Variants in CPE observed in about 807,000 individuals in gnomAD.
CPE encodes carbocypeptidase E.
Under a neutral mutation model 53.5 loss-of-function variants are expected in CPE, and 17 were observed. That is an observed-to-expected ratio of 0.32 (90% confidence interval 0.22 to 0.48). CPE has a LOEUF of 0.48. Ranked by LOEUF, CPE falls within the 20% of genes least tolerant of loss-of-function variation. The pLI is 0.99. For synonymous variants in CPE, 226 were observed against 228.8 expected (o/e 0.99, Z 0.11); for missense variants, 524 against 614.7 (o/e 0.85, Z 1.56).
chr4:165,409,427 C>T (rs1314996068), intron 1 of CPE, among the ~76,000 whole-genome samples: 2 of 152,184 alleles, frequency 1.3e-5, no homozygotes, highest in Non-Finnish European at 2.9e-5. Context: ...TGGTCTCGAA[C>T]TCCTGGCCTC....
intron 1 of CPE, among the ~76,000 whole-genome samples, chr4:165,410,982 C>G (rs925817437): frequency 6.6e-6 from 1 of 152,000 alleles, no homozygotes. Context: ...GTAGATAAAT[C>G]GAAGACCAGA....
chr4:165,464,681 CT>C, intron 2 of CPE, 95 bp downstream of exon 2: 1 of 1,107,752 alleles, frequency 9.0e-7, no homozygotes, highest in Non-Finnish European at 1.3e-6. Flanking sequence ...TCGCACAAAG[CT>C]TACAGATGGT....
chr4:165,428,650 CA>C (rs113521364), intron 1 of CPE, among the ~76,000 whole-genome samples: 44,829 of 151,930 alleles, frequency 0.3, 6,683 homozygotes, highest in Middle Eastern at 0.39. Flanking sequence ...AAGGAGTTGT[CA>C]GGGCTGCTGT....
Position 165,379,767 on chromosome 4 carries a change from TC to T in CPE, c.307+243del, listed in dbSNP as rs1331959250. ...CCATCCCCCCAGCACCAATCCCATCTCCCCAGACCTTAGGCCACCCTCTAGT... is the reference window on the plus strand; with the variant it reads ...CCATCCCCCCAGCACCAATCCCATCTCCCAGACCTTAGGCCACCCTCTAGT... On this transcript the variant is annotated intron_variant, in intron 1 of 8. Coordinates refer to ENST00000402744, the MANE Select transcript of CPE (RefSeq NM_001873.4). This position sits in a 1 kb window ranked among gnomAD's most constrained non-coding sequence, Gnocchi z 6.0. Among the ~76,000 whole-genome samples the T allele has an allele frequency of 2.0e-5, 3 of 152,094 alleles. No homozygotes were observed. Among genetic ancestry groups the T allele is most frequent in the African/African-American group, 7.2e-5 (3 of 41,422 alleles).
At chr4:165,426,769 C>T (rs1560878553) in intron 1 of CPE, among the ~76,000 whole-genome samples, 1 of 152,218 alleles carries the variant, frequency 6.6e-6, no homozygotes, top group African/African-American at 2.4e-5. Flanking sequence ...CACCAATACA[C>T]TACAATGTAG....
Position 165,488,659 on chromosome 4 carries a change from T to TA in CPE, c.1113+1088dup, listed in dbSNP as rs376584710. Among the ~76,000 whole-genome samples the TA allele has an allele frequency of 5.8e-3, 883 of 152,296 alleles. 8 individuals are homozygous for TA. The highest frequency in any genetic ancestry group is 0.02 in the African/African-American group (840 of 41,562). ...ACCAATCTGTTAAACTAATTTGACA[T>TA]AAAAAAGCTGTTAAATAAACATTTA... On this transcript the variant is annotated intron_variant, in intron 6 of 8. Coordinates refer to ENST00000402744, the MANE Select transcript of CPE (RefSeq NM_001873.4).
chr4:165,422,732 CT>C (rs2126674496), intron 1 of CPE, among the ~76,000 whole-genome samples: 1 of 152,218 alleles, frequency 6.6e-6, no homozygotes, highest in Non-Finnish European at 1.5e-5. Flanking sequence ...AATCCCAACA[CT>C]TTGGGAGGCC....
intron 1 of CPE, among the ~76,000 whole-genome samples, chr4:165,403,914 G>A (rs57198322): frequency 0.028 from 4,292 of 152,194 alleles, 209 homozygotes; most frequent in African/African-American, 0.096. Flanking sequence ...AGATGATCTT[G>A]GCTGAAGGCA....
At chr4:165,449,375 C>G in intron 1 of CPE, among the ~76,000 whole-genome samples, 1 of 152,166 alleles carries the variant, frequency 6.6e-6, no homozygotes. Flanking sequence ...AATTTGCTTT[C>G]TTGAATCCCG....
chr4:165,431,910 T>TA (rs1560880310), intron 1 of CPE, among the ~76,000 whole-genome samples: 1 of 151,786 alleles, frequency 6.6e-6, no homozygotes, highest in East Asian at 1.9e-4. Context: ...AGAACATAGG[T>TA]AACAAGACAA....
chr4:165,390,498 A>G (rs1730663783), intron 1 of CPE, among the ~76,000 whole-genome samples: 1 of 152,182 alleles, frequency 6.6e-6, no homozygotes, highest in Non-Finnish European at 1.5e-5. Context: ...TGTGCAAAAT[A>G]CCTGATAAAA....
chr4:165,443,266 C>T (rs1231824032), intron 1 of CPE, among the ~76,000 whole-genome samples: 9 of 152,168 alleles, frequency 5.9e-5, no homozygotes, highest in Admixed American at 2.6e-4. Context: ...TTCTCTGTCT[C>T]CTCTCCTTCT....
chr4:165,422,704 G>A (rs1190809901), intron 1 of CPE, among the ~76,000 whole-genome samples: 2 of 152,096 alleles, frequency 1.3e-5, no homozygotes, highest in East Asian at 3.9e-4. Flanking sequence ...GGGGCCAGGT[G>A]CGGTGGCTCA....
intron 1 of CPE, among the ~76,000 whole-genome samples, chr4:165,429,900 C>T (rs1452116044): frequency 6.6e-6 from 1 of 152,076 alleles, no homozygotes; most frequent in Non-Finnish European, 1.5e-5. Flanking sequence ...AGGTAAGAAA[C>T]ATCTTATTCT....
intron 1 of CPE, among the ~76,000 whole-genome samples, chr4:165,385,597 A>G (rs1730578867): frequency 6.6e-6 from 1 of 151,802 alleles, no homozygotes; most frequent in Admixed American, 6.6e-5. Flanking sequence ...GTGAGCCACC[A>G]CACCCTGCCT....
rs757572105 is a variant in CPE at position 165,467,893 on chromosome 4, A to T, written c.672+38A>T. ...GGATAGTCTTCTTGGGTTCGTCTCT[A>T]GCCTAAGGAAATATGTTCCAATATC... On this transcript the variant is annotated intron_variant, in intron 3 of 8. Coordinates refer to ENST00000402744, the MANE Select transcript of CPE (RefSeq NM_001873.4). 3.8e-6 allele frequency: 6 copies of T among 1,599,916 alleles called. No homozygotes were observed. The Admixed American group carries it at 1.0e-4, about 27-fold the overall frequency.
intron 3 of CPE, 74 bp from the exon 4 acceptor site, chr4:165,482,168 C>T: frequency 1.1e-6 from 1 of 920,972 alleles, no homozygotes; most frequent in Non-Finnish European, 1.6e-6. Flanking sequence ...TTTACCTTTC[C>T]TATGTCTTTT....
chr4:165,495,532 G>A, intron 7 of CPE, 27 bp from the exon 8 acceptor site: 1 of 1,450,418 alleles, frequency 6.9e-7, no homozygotes, highest in Non-Finnish European at 9.7e-7. Flanking sequence ...CATGTGCTTT[G>A]TGATTTGATA....
chr4:165,474,356 C>T lies in CPE; in HGVS notation c.672+6501C>T, dbSNP rs186714846. Among the ~76,000 whole-genome samples, 3 of 152,182 alleles carry T rather than the reference C, an allele frequency of 2.0e-5. No individual in the cohort carries two copies. The East Asian group carries it at 5.8e-4, about 29-fold the overall frequency. Reference sequence around the variant, plus strand: ...AAAGCTAGTTTTGTTTTGTTTTAAGCTTTGGGGGAGTCAAATGTTTCTGTT... The same window carrying T: ...AAAGCTAGTTTTGTTTTGTTTTAAGTTTTGGGGGAGTCAAATGTTTCTGTT... On this transcript the variant is annotated intron_variant, in intron 3 of 8. Coordinates refer to ENST00000402744, the MANE Select transcript of CPE (RefSeq NM_001873.4).
Sources: gnomAD v4.1 joint callset for allele counts (sites outside exome capture counted in the v4.1 genomes callset) on GRCh38, gnomAD v4.1.1 for gene constraint, Gnocchi (gnomAD v3.1) non-coding constraint, MANE v1.5 for transcripts, NCBI Gene and HGNC (gene_info 2026-07-23, HGNC 2026-07-21) for gene names.